Variants in ICE2 observed in about 807,000 individuals in gnomAD.
ICE2 encodes interactor of little elongation complex ELL subunit 2.
Under a neutral mutation model 105.4 loss-of-function variants are expected in ICE2, and 87 were observed. The observed-to-expected ratio is 0.83, with a 90% CI of 0.69 to 0.99. The LOEUF (loss-of-function observed/expected upper bound fraction) is 0.99, where lower values mean the gene tolerates loss of function less well. ICE2 is among the 50% of genes least tolerant of loss of function. The pLI is 0.00. For missense variants in ICE2, 1,323 were observed against 1,146.7 expected, an observed-to-expected ratio of 1.15 and a Z score of -2.22; for synonymous variants, 399 against 392.0, an observed-to-expected ratio of 1.02 and a Z score of -0.21.
At position 60,448,036 on chromosome 15, in the gene ICE2, G is replaced by A. The variant is rs146744595; in HGVS notation, c.2229C>T (p.Leu743=). ...CTATCCTCTGGACACTGCAGCGTAC[G>A]AGTAACAACAGGTCTTGCAGGCTAA... ...KLFSLQDLLL[L]VRCSVQRIET... Residue 743 remains leucine, a synonymous_variant, in exon 11 of 16, where the codon CTC becomes CTT. Coordinates refer to ENST00000261520, the MANE Select transcript of ICE2 (RefSeq NM_024611.6). The A allele has an allele frequency of 3.7e-6, 6 of 1,613,816 alleles. No individual in the cohort carries two copies. The highest frequency in any genetic ancestry group is 4.5e-5 in the East Asian group (2 of 44,868).
At chr15:60,452,814 A>C in intron 9 of ICE2, 80 of 955,434 alleles carry the variant, frequency 8.4e-5, no homozygotes, top group South Asian at 9.7e-5. Context: ...AACTAGACAC[A>C]GAGATATTAT....
chr15:60,466,583 TG>T lies in ICE2; in HGVS notation c.528+10del, dbSNP rs530874247. ...CTTCGCAATTTACACAAATGTGAGT[TG>T]TTTTTTTACCTCTGTGAAGAGACGG... On this transcript the variant is annotated intron_variant, in intron 5 of 15. Transcript: ENST00000261520. 4.5e-5 allele frequency: 72 copies of T among 1,608,898 alleles called. 1 individual carries two copies. The South Asian group carries it at 5.3e-4, about 12-fold the overall frequency.
chr15:60,425,189 TATTTA>T (rs923924890), intron 15 of ICE2, among the ~76,000 whole-genome samples: 24 of 152,352 alleles, frequency 1.6e-4, no homozygotes, highest in African/African-American at 5.8e-4. Context: ...CATTTTTTTT[TATTTA>T]CATTTACCTG....
At chr15:60,450,588 A>C (rs1196791914) in intron 9 of ICE2, among the ~76,000 whole-genome samples, 1 of 152,226 alleles carries the variant, frequency 6.6e-6, no homozygotes, top group African/African-American at 2.4e-5. Context: ...TAGAAATTTC[A>C]TAACTGGTTA....
rs573947656 is a variant in ICE2, at chr15:60,455,451, GA to G, written c.667-10del. 140 of 1,528,354 alleles carry G rather than the reference GA, an allele frequency of 9.2e-5. No homozygotes were observed. Among genetic ancestry groups the G allele is most frequent in the South Asian group, 1.1e-4 (9 of 84,262 alleles). The allele number at this position is 1,528,354 out of a possible 1,614,324, so 94.7% of individuals were successfully genotyped here. On this transcript the variant is annotated splice_polypyrimidine_tract_variant and intron_variant, in intron 6 of 15. Transcript: ENST00000261520. The stretch of plus-strand genomic sequence containing the variant: ...ACATATTTTACACTGCCCTAAATAT[GA>G]AAAAAAAATCATTTTATTGCAAAAA...
intron 1 of ICE2, 150 bp from the exon 2 acceptor site, chr15:60,478,219 G>C (rs1045875146): frequency 9.0e-6 from 5 of 557,476 alleles, no homozygotes; most frequent in Non-Finnish European, 1.6e-5. Flanking sequence ...CTTTGTAGCA[G>C]AGCAGCAATG....
At chr15:60,438,977 T>C (rs188500465) in intron 12 of ICE2, 49 of 152,322 alleles carry the variant, frequency 3.2e-4, no homozygotes, top group African/African-American at 1.2e-3. Flanking sequence ...AATCTATACA[T>C]AATAAAAATA....
Position 60,466,611 on chromosome 15 carries a change from C to A in ICE2, c.511G>T (p.Ala171Ser). Residue 171 changes from alanine (A) to serine (S), a missense_variant, in exon 5 of 16, where the codon GCC becomes TCC. Physicochemically the swap from Ala to Ser is moderately conservative, Grantham distance 99 (BLOSUM62 1). Coordinates refer to ENST00000261520, the MANE Select transcript of ICE2 (RefSeq NM_024611.6). ...AQDYNMLSDDARLFTEKILRA... is the reference protein window; with the variant it reads ...AQDYNMLSDDSRLFTEKILRA... ...TTTTTTACCTCTGTGAAGAGACGGG[C>A]ATCATCAGAAAGCATATTATAATCC... 1 of 1,611,140 alleles carries A rather than the reference C, an allele frequency of 6.2e-7. No individual in the cohort carries two copies. The highest frequency in any genetic ancestry group is 1.7e-4 in the Middle Eastern group (1 of 5,800).
intron 9 of ICE2, 136 bp from the exon 10 acceptor site, chr15:60,449,977 CTTGT>C (rs2063923959): frequency 5.9e-6 from 4 of 680,182 alleles, no homozygotes; most frequent in Admixed American, 5.9e-5. Flanking sequence ...GTAAAAGGTT[CTTGT>C]TTAAGATGAC....
intron 5 of ICE2, among the ~76,000 whole-genome samples, chr15:60,464,478 A>G (rs1411318375): frequency 6.6e-6 from 1 of 152,192 alleles, no homozygotes; most frequent in Non-Finnish European, 1.5e-5. Flanking sequence ...ACCCTCATTG[A>G]TAGGTGACAT....
At chr15:60,433,793 CTCCT>C (rs976443511) in intron 13 of ICE2, among the ~76,000 whole-genome samples, 3 of 43,048 alleles carry the variant, frequency 7.0e-5, no homozygotes, top group Non-Finnish European at 1.6e-4. Context: ...GCCTGACCTC[CTCCT>C]TTTTTTTAAA....
chr15:60,455,980 A>G (rs918875336), intron 6 of ICE2, among the ~76,000 whole-genome samples: 2 of 152,014 alleles, frequency 1.3e-5, no homozygotes, highest in Admixed American at 6.5e-5. Flanking sequence ...GATACAAATC[A>G]TAACGGGGAT....
intron 3 of ICE2, among the ~76,000 whole-genome samples, chr15:60,473,378 A>G (rs1441649534): frequency 6.6e-6 from 1 of 151,740 alleles, no homozygotes; most frequent in Non-Finnish European, 1.5e-5. Context: ...TGCAGCCTCA[A>G]CCTCCCTGGA....
intron 5 of ICE2, among the ~76,000 whole-genome samples, chr15:60,462,637 T>C (rs888676167): frequency 4.6e-5 from 7 of 152,154 alleles, no homozygotes. Flanking sequence ...CAAAGAAATC[T>C]TACATATCAA....
intron 15 of ICE2, 37 bp from the exon 16 acceptor site, chr15:60,423,799 A>G (rs745537110): frequency 3.3e-6 from 5 of 1,522,876 alleles, no homozygotes; most frequent in African/African-American, 1.4e-5. Context: ...AGCTTAATGT[A>G]TCTACAACAT....
chr15:60,455,358 T>C lies in ICE2; in HGVS notation c.751A>G (p.Thr251Ala), dbSNP rs564641051. The change falls in exon 7 of 16, where the codon ACG becomes GCG. Residue 251 changes from threonine (T) to alanine (A), a missense_variant. By Grantham distance (58) the Thr-to-Ala change is moderately conservative. Coordinates refer to ENST00000261520, the MANE Select transcript of ICE2 (RefSeq NM_024611.6). ...ATAGCTTCAGCTGTTTGTTCTGACGTTTCAATGGTAGCTATATCGTCCTTT... is the reference window on the plus strand; with the variant it reads ...ATAGCTTCAGCTGTTTGTTCTGACGCTTCAATGGTAGCTATATCGTCCTTT... ...LSKDDIATIE[T>A]SEQTAEAMHY... 2.2e-5 allele frequency: 35 copies of C among 1,613,864 alleles called. 1 individual carries two copies. In the South Asian group the frequency reaches 3.7e-4, roughly 17 times the overall value.
intron 3 of ICE2, among the ~76,000 whole-genome samples, chr15:60,470,162 T>C (rs751199643): frequency 3.4e-5 from 3 of 87,088 alleles, no homozygotes; most frequent in Non-Finnish European, 8.2e-5. Context: ...ACACTAAGCA[T>C]AGTACCATCT....
In ICE2 at chr15:60,460,943, C is replaced by T. The variant is rs1022355906; in HGVS notation, c.529-4149G>A. On this transcript the variant is annotated intron_variant, in intron 5 of 15. Coordinates refer to ENST00000261520, the MANE Select transcript of ICE2 (RefSeq NM_024611.6). ...ATTAGGGTTTCTCAATGCAAGCACC[C>T]CTGACACTTCCAGTTGGATAACTCC... 3.3e-5 allele frequency among the ~76,000 whole-genome samples: 5 copies of T among 152,190 alleles called. No homozygotes were observed. In the South Asian group the frequency reaches 1.0e-3, roughly 32 times the overall value.
At chr15:60,478,508 G>A (rs1212963304) in intron 1 of ICE2, 2 of 184,534 alleles carry the variant, frequency 1.1e-5, no homozygotes, top group Non-Finnish European at 2.3e-5. Flanking sequence ...CTTTCACAAA[G>A]AACCTCACAT....
Sources: gnomAD v4.1 joint callset for allele counts (sites outside exome capture counted in the v4.1 genomes callset) on GRCh38, gnomAD v4.1.1 for gene constraint, MANE v1.5 for transcripts, NCBI Gene and HGNC (gene_info 2026-07-23, HGNC 2026-07-21) for gene names.